The following AP1G1 variants were observed in gnomAD, a reference collection of about 807,000 sequenced individuals.
AP1G1 encodes adaptor related protein complex 1 subunit gamma 1, also known as AP-1 complex subunit gamma-1.
Under a neutral mutation model 108.3 loss-of-function variants are expected in AP1G1, and 7 were observed. The observed-to-expected ratio is 0.06, with a 90% CI of 0.04 to 0.12. AP1G1 has a LOEUF of 0.12. AP1G1 is among the 10% of genes least tolerant of loss of function. The pLI, the probability that AP1G1 is intolerant of heterozygous loss-of-function variation, is 1.00. For missense variants in AP1G1, 756 were observed against 1,010.7 expected (o/e 0.75, Z 3.42); for synonymous variants, 379 against 353.5 (o/e 1.07, Z -0.81).
chr16:71,789,635 C>T (rs2032325891), intron 1 of AP1G1, among the ~76,000 whole-genome samples, 153 bp from the exon 2 acceptor site: 2 of 152,156 alleles, frequency 1.3e-5, no homozygotes, highest in Admixed American at 6.5e-5. Flanking sequence ...GCTAAGCTTC[C>T]GCAAAGCTAT....
rs751111867 is a variant in AP1G1 at position 71,738,924 on chromosome 16, A to C, written c.2268+18T>G. Reference sequence around the variant, plus strand: ...AATCTTTAATCAAAGGAAACATCTAAAGAAGACATTGTAGTACCTTTGGTA... The same window carrying C: ...AATCTTTAATCAAAGGAAACATCTACAGAAGACATTGTAGTACCTTTGGTA... On this transcript the variant is annotated intron_variant, in intron 21 of 22. Coordinates refer to ENST00000299980, the MANE Select transcript of AP1G1 (RefSeq NM_001128.6). 1 of 1,600,100 alleles carries C rather than the reference A, an allele frequency of 6.2e-7. No individual in the cohort carries two copies. Among genetic ancestry groups the C allele is most frequent in the East Asian group, 2.2e-5 (1 of 44,726 alleles).
chr16:71,774,959 G>A (rs1007703210), intron 2 of AP1G1, among the ~76,000 whole-genome samples: 5 of 149,178 alleles, frequency 3.4e-5, no homozygotes, highest in South Asian at 2.1e-4. Flanking sequence ...GACCTCTGCC[G>A]ATCCACCTGC....
Position 71,731,387 on chromosome 16 carries a change from A to C in AP1G1, c.*1671T>G, listed in dbSNP as rs1383803631. ...GATACAGAGCTAGATTTGACAAGACACTGAAGATTTTAAGTAAAGGCTTGG... is the reference window on the plus strand; with the variant it reads ...GATACAGAGCTAGATTTGACAAGACCCTGAAGATTTTAAGTAAAGGCTTGG... On this transcript the variant is annotated 3_prime_UTR_variant, in exon 23 of 23. Transcript: ENST00000299980. 2 of 152,690 alleles carry C rather than the reference A, an allele frequency of 1.3e-5. No homozygotes were observed. The highest frequency in any genetic ancestry group is 2.9e-5 in the Non-Finnish European group (2 of 68,050). The allele number at this position is 152,690 out of a possible 1,614,324, so 9.5% of individuals were successfully genotyped here.
intron 1 of AP1G1, among the ~76,000 whole-genome samples, chr16:71,804,146 A>C (rs1270899999): frequency 6.6e-6 from 1 of 150,608 alleles, no homozygotes; most frequent in African/African-American, 2.4e-5. Flanking sequence ...TCCCAGGTTC[A>C]AGTGATTCTC....
intron 10 of AP1G1, among the ~76,000 whole-genome samples, chr16:71,759,826 C>T (rs999273036): frequency 2.6e-5 from 4 of 151,648 alleles, no homozygotes; most frequent in African/African-American, 9.7e-5. Flanking sequence ...GTGACTGACT[C>T]AATTCTTTAA....
rs770758177 is a variant in AP1G1, at chr16:71,730,951, A to G, written c.*2107T>C. 6.6e-6 allele frequency: 1 copy of G among 152,370 alleles called. No homozygotes were observed. Among genetic ancestry groups the G allele is most frequent in the Non-Finnish European group, 1.5e-5 (1 of 68,054 alleles). 9.4% of individuals were successfully genotyped at this position (152,370 alleles called of 1,614,324 possible). On this transcript the variant is annotated 3_prime_UTR_variant, in exon 23 of 23. Coordinates refer to ENST00000299980, the MANE Select transcript of AP1G1 (RefSeq NM_001128.6). Reference sequence around the variant, plus strand: ...TTCTTCAGAGATTCAACCCAGTTCAAATAAAAAAACCTGAGCTGGTTAGCT... The same window carrying G: ...TTCTTCAGAGATTCAACCCAGTTCAGATAAAAAAACCTGAGCTGGTTAGCT...
chr16:71,777,698 T>A (rs1001200855), intron 2 of AP1G1: 1 of 457,242 alleles, frequency 2.2e-6, no homozygotes, highest in Non-Finnish European at 4.5e-6. Flanking sequence ...ATCATCTCCT[T>A]CTTCCTCTTC....
chr16:71,778,941 G>A (rs1467120212), intron 2 of AP1G1, among the ~76,000 whole-genome samples: 1 of 152,064 alleles, frequency 6.6e-6, no homozygotes, highest in African/African-American at 2.4e-5. Flanking sequence ...ATATTTCAAT[G>A]GAGTACTACT....
chr16:71,736,123 T>A (rs1267035860), intron 21 of AP1G1, among the ~76,000 whole-genome samples: 4,946 of 64,156 alleles, frequency 0.077, 67 homozygotes, highest in East Asian at 0.14. Context: ...AAAAAATATA[T>A]ATATATATAT....
intron 2 of AP1G1, among the ~76,000 whole-genome samples, chr16:71,782,600 C>T (rs2032065294): frequency 6.6e-6 from 1 of 151,972 alleles, no homozygotes; most frequent in Non-Finnish European, 1.5e-5. Flanking sequence ...GATTCTCCTG[C>T]CTCAGTCTCC....
chr16:71,805,027 A>C (rs2032949434), intron 1 of AP1G1, among the ~76,000 whole-genome samples: 2 of 152,010 alleles, frequency 1.3e-5, no homozygotes, highest in African/African-American at 2.4e-5. Flanking sequence ...TCAATCAATA[A>C]AAATAAAATT....
chr16:71,767,420 G>C (rs556354468), intron 6 of AP1G1, among the ~76,000 whole-genome samples: 4 of 152,318 alleles, frequency 2.6e-5, no homozygotes, highest in East Asian at 3.9e-4. Flanking sequence ...ACAGGTAAGA[G>C]AGAAATAAAA....
At chr16:71,777,702 C>A in intron 2 of AP1G1, 1 of 455,596 alleles carries the variant, frequency 2.2e-6, no homozygotes. Context: ...TCTCCTTCTT[C>A]CTCTTCGGGC....
In AP1G1 at chr16:71,741,629, T is replaced by C. The variant is rs527539458; in HGVS notation, c.2000-2288A>G. 4.5e-4 allele frequency among the ~76,000 whole-genome samples: 69 copies of C among 152,100 alleles called. 1 individual carries two copies. The highest frequency in any genetic ancestry group is 1.4e-3 in the African/African-American group (60 of 41,508). ...ACATATTAAAAATTAGCAAAGAGAA[T>C]AGAAATACGGATGGCTAAGCAAGCA... is the stretch of plus-strand genomic sequence containing the variant. On this transcript the variant is annotated intron_variant, in intron 19 of 22. Coordinates refer to ENST00000299980, the MANE Select transcript of AP1G1 (RefSeq NM_001128.6).
Position 71,774,594 on chromosome 16 carries a change from T to C in AP1G1, c.202-2A>G. On this transcript the variant is annotated splice_acceptor_variant, in intron 2 of 22. Coordinates refer to ENST00000299980, the MANE Select transcript of AP1G1 (RefSeq NM_001128.6). LOFTEE classifies it high-confidence loss of function. The stretch of plus-strand genomic sequence containing the variant: ...GGCAATAAGCTTGAGGCACTCCAAC[T>C]GCAAAAAAAGAAAAAAAAAAAGAAG... 1 of 1,542,428 alleles carries C rather than the reference T, an allele frequency of 6.5e-7. No individual in the cohort carries two copies. Among genetic ancestry groups the C allele is most frequent in the Admixed American group, 2.3e-5 (1 of 43,524 alleles).
intron 2 of AP1G1, among the ~76,000 whole-genome samples, chr16:71,779,568 T>C (rs1329468432): frequency 6.6e-6 from 1 of 152,096 alleles, no homozygotes; most frequent in Non-Finnish European, 1.5e-5. Flanking sequence ...CTCAAACTCC[T>C]GGCTTCAAGT....
At chr16:71,759,811 T>C (rs535135851) in intron 10 of AP1G1, among the ~76,000 whole-genome samples, 24 of 151,682 alleles carry the variant, frequency 1.6e-4, no homozygotes, top group South Asian at 1.2e-3. Flanking sequence ...ATAAAATAAA[T>C]AGAAGTGACT....
intron 15 of AP1G1, 121 bp downstream of exon 15, chr16:71,749,773 G>A: frequency 1.3e-6 from 1 of 791,292 alleles, no homozygotes; most frequent in South Asian, 1.5e-5. Flanking sequence ...TTATAGGCAT[G>A]AGCCACCACG....
chr16:71,758,182 T>C lies in AP1G1; in HGVS notation c.1088+626A>G, dbSNP rs374412021. On this transcript the variant is annotated intron_variant, in intron 11 of 22. Transcript: ENST00000299980. ...ACTTTAAATATACTTTGTTCTAGAT[T>C]TGAACATACAACCAAAAGTTCAGAG... is the stretch of plus-strand genomic sequence containing the variant. 5.9e-5 allele frequency among the ~76,000 whole-genome samples: 9 copies of C among 152,316 alleles called. No homozygotes were observed. In the East Asian group the frequency reaches 1.3e-3, roughly 23 times the overall value.
Sources: gnomAD v4.1 joint callset for allele counts (sites outside exome capture counted in the v4.1 genomes callset) on GRCh38, gnomAD v4.1.1 for gene constraint, MANE v1.5 for transcripts, NCBI Gene and HGNC (gene_info 2026-07-23, HGNC 2026-07-21) for gene names.